TMEM161B: variants seen among roughly 807,000 people sequenced by gnomAD.
The protein encoded by TMEM161B is transmembrane protein 161B.
A neutral mutation model predicts 61.8 loss-of-function variants in TMEM161B; 34 were observed. The ratio of observed to expected loss-of-function variants is 0.55; its 90% CI spans 0.42 to 0.73. TMEM161B has a LOEUF of 0.73. TMEM161B is among the 30% of genes least tolerant of loss of function. The pLI is 0.00. For synonymous variants in TMEM161B, 167 were observed against 192.8 expected (o/e 0.87, Z 1.11); for missense variants, 456 against 558.5 (o/e 0.82, Z 1.85).
At chr5:88,252,403 G>A in intron 1 of TMEM161B, among the ~76,000 whole-genome samples, 1 of 152,036 alleles carries the variant, frequency 6.6e-6, no homozygotes, top group East Asian at 1.9e-4. Context: ...GCAGGGAGCT[G>A]AAATAATTCA....
Position 88,217,787 on chromosome 5 carries a change from T to C in TMEM161B, c.446+2776A>G, listed in dbSNP as rs77406981. ...TCAAAGCTTCCCTTCAGATTTTTAA[T>C]GTCTCACACTTAATTATGGACAGGC... On this transcript the variant is annotated intron_variant, in intron 5 of 11. Coordinates refer to ENST00000296595, the MANE Select transcript of TMEM161B (RefSeq NM_153354.5). Among the ~76,000 whole-genome samples, 929 of 152,128 alleles carry C rather than the reference T, an allele frequency of 6.1e-3. 11 individuals are homozygous for C. Among genetic ancestry groups the C allele is most frequent in the African/African-American group, 0.022 (894 of 41,486 alleles).
intron 1 of TMEM161B, among the ~76,000 whole-genome samples, chr5:88,261,233 T>G (rs1232895808): frequency 6.6e-6 from 1 of 152,102 alleles, no homozygotes; most frequent in African/African-American, 2.4e-5. Flanking sequence ...AAGACCTGTA[T>G]GAAGAAAACT....
chr5:88,254,584 C>T (rs1238554286), intron 1 of TMEM161B, among the ~76,000 whole-genome samples: 2 of 152,134 alleles, frequency 1.3e-5, no homozygotes, highest in East Asian at 1.9e-4. Flanking sequence ...TGTCCATAAT[C>T]TCAACACTTT....
At chr5:88,197,622 A>T (rs200450642) in intron 11 of TMEM161B, 47 bp downstream of exon 11, 1 of 1,438,182 alleles carries the variant, frequency 7.0e-7, no homozygotes, top group South Asian at 1.2e-5. Context: ...TTTATTAATT[A>T]TAGGTAGAAA....
downstream of TMEM161B, among the ~76,000 whole-genome samples, chr5:88,188,713 T>A (rs2112292712): frequency 6.6e-6 from 1 of 152,288 alleles, no homozygotes; most frequent in South Asian, 2.1e-4. Flanking sequence ...CAGACTCGCA[T>A]CTTAAGAGCT....
At chr5:88,261,729 G>GAAA (rs1314946638) in intron 1 of TMEM161B, among the ~76,000 whole-genome samples, 1 of 31,572 alleles carries the variant, frequency 3.2e-5, no homozygotes, top group Non-Finnish European at 7.0e-5. Flanking sequence ...ACATTCATGT[G>GAAA]CAAAAAAAAA....
chr5:88,194,918 A>G (rs1247775575), downstream of TMEM161B: 1 of 153,506 alleles, frequency 6.5e-6, no homozygotes, highest in Non-Finnish European at 1.4e-5. Context: ...TAGATGTAAA[A>G]GGCATCAAAA....
intron 1 of TMEM161B, among the ~76,000 whole-genome samples, chr5:88,243,842 T>A (rs1371395680): frequency 1.3e-5 from 2 of 151,854 alleles, no homozygotes; most frequent in Non-Finnish European, 2.9e-5. Flanking sequence ...TCTCTAATGA[T>A]TAGTGATGTT....
chr5:88,210,965 A>G (rs557900638), intron 5 of TMEM161B, among the ~76,000 whole-genome samples: 1 of 152,314 alleles, frequency 6.6e-6, no homozygotes, highest in East Asian at 1.9e-4. Context: ...GTCCATATGC[A>G]GTCTCTGTAG....
intron 2 of TMEM161B, among the ~76,000 whole-genome samples, chr5:88,236,784 T>G (rs1449874978): frequency 6.6e-6 from 1 of 152,176 alleles, no homozygotes; most frequent in African/African-American, 2.4e-5. Context: ...GGAGAATCCA[T>G]AAGAACATAG....
At chr5:88,240,075 T>A (rs113537524) in intron 2 of TMEM161B, among the ~76,000 whole-genome samples, 5 of 151,924 alleles carry the variant, frequency 3.3e-5, no homozygotes, top group South Asian at 2.1e-4. Context: ...TATACTTTTT[T>A]AATCTAATTT....
intron 9 of TMEM161B, chr5:88,200,805 G>A (rs1440720017): frequency 6.6e-6 from 1 of 152,002 alleles, no homozygotes; most frequent in African/African-American, 2.4e-5. Flanking sequence ...GAGATTATGA[G>A]CACACATGGA....
chr5:88,201,589 G>A (rs1744413687), intron 9 of TMEM161B: 1 of 151,916 alleles, frequency 6.6e-6, no homozygotes, highest in African/African-American at 2.4e-5. Context: ...TTTAACTAAG[G>A]CAAATATAAA....
chr5:88,258,052 T>G (rs938870621), intron 1 of TMEM161B, among the ~76,000 whole-genome samples: 2 of 152,200 alleles, frequency 1.3e-5, no homozygotes, highest in Admixed American at 6.5e-5. Context: ...TAAGAATGAT[T>G]AAGTGGGAAG....
intron 5 of TMEM161B, among the ~76,000 whole-genome samples, chr5:88,211,345 T>G (rs1419755505): frequency 1.3e-5 from 2 of 151,832 alleles, no homozygotes; most frequent in Non-Finnish European, 2.9e-5. Flanking sequence ...GAATGCATCT[T>G]TGAAATAAGA....
downstream of TMEM161B, among the ~76,000 whole-genome samples, chr5:88,186,194 AAT>A: frequency 6.6e-6 from 1 of 152,356 alleles, no homozygotes; most frequent in South Asian, 2.1e-4. Context: ...CACTTTTAAG[AAT>A]ATAACACCCT....
intron 2 of TMEM161B, among the ~76,000 whole-genome samples, chr5:88,229,682 T>C (rs535719460): frequency 4.7e-5 from 7 of 148,180 alleles, no homozygotes; most frequent in East Asian, 2.0e-4. Flanking sequence ...ATATCTAGTA[T>C]GCTAGACCCC....
At chr5:88,187,754 G>A (rs149636161), downstream of TMEM161B, among the ~76,000 whole-genome samples, 5 of 110,812 alleles carry the variant, frequency 4.5e-5, no homozygotes, top group Non-Finnish European at 7.7e-5. Flanking sequence ...TTAATCTTTT[G>A]GAACAATCGT....
chr5:88,192,336 A>C (rs1457258188), downstream of TMEM161B, among the ~76,000 whole-genome samples: 1 of 152,090 alleles, frequency 6.6e-6, no homozygotes, highest in African/African-American at 2.4e-5. Flanking sequence ...CTAAAAAAGG[A>C]GTCCCATGGT....
Sources: gnomAD v4.1 joint callset for allele counts (sites outside exome capture counted in the v4.1 genomes callset) on GRCh38, gnomAD v4.1.1 for gene constraint, MANE v1.5 for transcripts, NCBI Gene and HGNC (gene_info 2026-07-23, HGNC 2026-07-21) for gene names.